LARP4B: variants seen among roughly 807,000 people sequenced by gnomAD.
LARP4B encodes la-related protein 4B.
LARP4B carries 12 observed loss-of-function variants against 89.8 expected under a neutral mutation model. The ratio of observed to expected loss-of-function variants is 0.13; its 90% CI spans 0.09 to 0.22. LARP4B has a LOEUF of 0.22. LARP4B is among the 10% of genes least tolerant of loss of function. The pLI, the probability that LARP4B is intolerant of heterozygous loss-of-function variation, is 1.00. For missense variants in LARP4B, 757 were observed against 947.7 expected (o/e 0.80, Z 2.64); for synonymous variants, 367 against 363.3 (o/e 1.01, Z -0.12).
At chr10:935,093 T>C (rs779732381), upstream of LARP4B, among the ~76,000 whole-genome samples, 4 of 152,210 alleles carry the variant, frequency 2.6e-5, no homozygotes, top group Non-Finnish European at 5.9e-5. Flanking sequence ...TTTCCTGCCT[T>C]ATCCTAAGAC....
At chr10:847,461 T>C (rs1833827509) in intron 5 of LARP4B, among the ~76,000 whole-genome samples, 1 of 151,820 alleles carries the variant, frequency 6.6e-6, no homozygotes, top group African/African-American at 2.4e-5. Context: ...AAATGACAGT[T>C]TTCCAGATGT....
chr10:970,345 C>T, the LARP4B span, among the ~76,000 whole-genome samples: 1 of 152,180 alleles, frequency 6.6e-6, no homozygotes, highest in African/African-American at 2.4e-5. Context: ...CAGGGCAGAA[C>T]ACTAACACCC....
chr10:954,559 T>G, the LARP4B span, among the ~76,000 whole-genome samples: 1 of 152,078 alleles, frequency 6.6e-6, no homozygotes, highest in Non-Finnish European at 1.5e-5. The surrounding 1 kb of genome is among the most constrained non-coding windows in gnomAD (Gnocchi z 5.0). Flanking sequence ...TGGCCTTGGC[T>G]GCCTGAGGTC....
chr10:903,033 A>G (rs954545733), intron 1 of LARP4B, among the ~76,000 whole-genome samples: 1 of 152,062 alleles, frequency 6.6e-6, no homozygotes, highest in African/African-American at 2.4e-5. Flanking sequence ...TCTAACCTCC[A>G]TTTTTCTGTC....
At chr10:835,580 C>A (rs1391550490) in intron 8 of LARP4B, among the ~76,000 whole-genome samples, 1 of 152,204 alleles carries the variant, frequency 6.6e-6, no homozygotes. Flanking sequence ...GTGTTTACTA[C>A]ACAAAGCAAC....
In LARP4B at chr10:851,590, A is replaced by G. The variant is rs551808540; in HGVS notation, c.431-6535T>C. Among the ~76,000 whole-genome samples the G allele has an allele frequency of 2.6e-5, 4 of 152,338 alleles. No homozygotes were observed. The East Asian group carries it at 5.8e-4, about 22-fold the overall frequency. The stretch of plus-strand genomic sequence containing the variant: ...CAATAACAGAGATGAGTGATGTAAC[A>G]TGACTACAGATTTCACAGGTGATAA... On this transcript the variant is annotated intron_variant, in intron 5 of 17. Transcript: ENST00000316157.
At chr10:964,658 G>A in the LARP4B span, among the ~76,000 whole-genome samples, 1 of 152,212 alleles carries the variant, frequency 6.6e-6, no homozygotes, top group Non-Finnish European at 1.5e-5. Flanking sequence ...CAGGGTCCAA[G>A]CCTAAGCCCA....
At chr10:912,308 G>GA (rs199985860) in intron 1 of LARP4B, among the ~76,000 whole-genome samples, 1,938 of 140,666 alleles carry the variant, frequency 0.014, 27 homozygotes, top group African/African-American at 0.034. Context: ...GAAAAGAAAA[G>GA]AAAAAAAAAT....
intron 1 of LARP4B, among the ~76,000 whole-genome samples, chr10:906,054 T>C (rs553267115): frequency 1.1e-4 from 16 of 152,362 alleles, no homozygotes; most frequent in African/African-American, 1.4e-4. Flanking sequence ...CATAAATCTT[T>C]AGCTATTTTA....
At position 810,206 on chromosome 10, in the gene LARP4B, C is replaced by T. The variant is rs544265975; in HGVS notation, c.*2720G>A. 1.3e-5 allele frequency: 2 copies of T among 152,180 alleles called. No homozygotes were observed. The highest frequency in any genetic ancestry group is 4.1e-4 in the South Asian group (2 of 4,824). 9.4% of individuals were successfully genotyped at this position (152,180 alleles called of 1,614,324 possible). On this transcript the variant is annotated 3_prime_UTR_variant, in exon 18 of 18. Coordinates refer to ENST00000316157, the MANE Select transcript of LARP4B (RefSeq NM_015155.3). ...AAAAAAAAAGTATGAAAGCCACTCT[C>T]ATCGCTGTATGTGACACAGCACAGT...
intron 1 of LARP4B, among the ~76,000 whole-genome samples, chr10:926,382 A>G (rs964687799): frequency 6.6e-6 from 1 of 152,232 alleles, no homozygotes; most frequent in African/African-American, 2.4e-5. Context: ...GTGGACATTC[A>G]ATTTCAGTCA....
In LARP4B at chr10:822,837, C is replaced by A. The variant is rs1279662107; in HGVS notation, c.1485-1992G>T. Reference sequence around the variant, plus strand: ...CACCTGGCGCCTGGGGCTCCTCATGCCATTCAACCCAGCTGGGCCGTGCCC... The same window carrying A: ...CACCTGGCGCCTGGGGCTCCTCATGACATTCAACCCAGCTGGGCCGTGCCC... On this transcript the variant is annotated intron_variant, in intron 13 of 17. Coordinates refer to ENST00000316157, the MANE Select transcript of LARP4B (RefSeq NM_015155.3). The surrounding 1 kb of genome is among the most constrained non-coding windows in gnomAD (Gnocchi z 4.6). 1.3e-5 allele frequency among the ~76,000 whole-genome samples: 2 copies of A among 152,240 alleles called. No homozygotes were observed. Among genetic ancestry groups the A allele is most frequent in the Non-Finnish European group, 2.9e-5 (2 of 68,050 alleles).
chr10:920,901 T>C (rs189298008), intron 1 of LARP4B, among the ~76,000 whole-genome samples: 1 of 152,286 alleles, frequency 6.6e-6, no homozygotes, highest in East Asian at 1.9e-4. Flanking sequence ...ATGTTCACTA[T>C]TATTATTATT....
intron 4 of LARP4B, 54 bp from the exon 5 acceptor site, chr10:863,937 TAAAAC>T (rs1834760300): frequency 6.3e-7 from 1 of 1,580,756 alleles, no homozygotes; most frequent in Non-Finnish European, 8.6e-7. Flanking sequence ...AACTTTCTCT[TAAAAC>T]AAAGCTTACA....
chr10:839,496 G>C (rs182538098), intron 7 of LARP4B, among the ~76,000 whole-genome samples: 59 of 152,282 alleles, frequency 3.9e-4, no homozygotes, highest in African/African-American at 1.4e-3. Flanking sequence ...CATCTAAATA[G>C]ACACTACTGC....
At chr10:907,527 T>C (rs1362481872) in intron 1 of LARP4B, among the ~76,000 whole-genome samples, 1 of 152,246 alleles carries the variant, frequency 6.6e-6, no homozygotes, top group Non-Finnish European at 1.5e-5. Flanking sequence ...TACAAAGTGA[T>C]GACTAAAAAT....
chr10:954,850 CTTCCCCAGGACAGCTCCCATCCACG>C, the LARP4B span, among the ~76,000 whole-genome samples: 1 of 19,480 alleles, frequency 5.1e-5, no homozygotes. This position sits in a 1 kb window ranked among gnomAD's most constrained non-coding sequence, Gnocchi z 5.0. Context: ...CCCATCCACG[CTTCCCCAGGACAGCTCCCATCCACG>C]CTTCCCCAGG....
chr10:816,886 T>G (rs1832090755), intron 15 of LARP4B, among the ~76,000 whole-genome samples: 1 of 152,096 alleles, frequency 6.6e-6, no homozygotes, highest in Non-Finnish European at 1.5e-5. Flanking sequence ...TGCGGGGCCT[T>G]CCCTAAAGCC....
chr10:815,240 C>T (rs560414385), intron 15 of LARP4B, 170 bp from the exon 16 acceptor site: 8 of 566,874 alleles, frequency 1.4e-5, no homozygotes, highest in Admixed American at 4.0e-5. Context: ...ATCCTCTGCC[C>T]CACAGATCGC....
Sources: gnomAD v4.1 joint callset for allele counts (sites outside exome capture counted in the v4.1 genomes callset) on GRCh38, gnomAD v4.1.1 for gene constraint, Gnocchi (gnomAD v3.1) non-coding constraint, MANE v1.5 for transcripts, NCBI Gene and HGNC (gene_info 2026-07-23, HGNC 2026-07-21) for gene names.